The following KAZN variants were observed in gnomAD, a reference collection of about 807,000 sequenced individuals.
The protein encoded by KAZN is kazrin, periplakin interacting protein, also known as kazrin.
Under a neutral mutation model 87.4 loss-of-function variants are expected in KAZN, and 40 were observed. The observed-to-expected ratio is 0.46, with a 90% CI of 0.36 to 0.60. The LOEUF is 0.60. KAZN is among the 20% of genes least tolerant of loss of function. The probability of loss-of-function intolerance (pLI) is 0.00; values close to 1 mark genes in which losing one functional copy is unlikely to be tolerated. For synonymous variants in KAZN, 466 were observed against 458.3 expected, an observed-to-expected ratio of 1.02 and a Z score of -0.22; for missense variants, 898 against 1,073.9, an observed-to-expected ratio of 0.84 and a Z score of 2.29.
At chr1:14,689,791 G>A (rs890195595) in intron 1 of KAZN, among the ~76,000 whole-genome samples, 1 of 152,212 alleles carries the variant, frequency 6.6e-6, no homozygotes, top group East Asian at 1.9e-4. Context: ...ATCTTGTCCC[G>A]GGGCAGAGGG....
chr1:14,903,868 A>G (rs1354777957), intron 1 of KAZN, among the ~76,000 whole-genome samples: 5 of 152,214 alleles, frequency 3.3e-5, no homozygotes, highest in Non-Finnish European at 5.9e-5. Flanking sequence ...ACTTAACCCT[A>G]TAAGGGAGCA....
At chr1:14,623,540 T>C (rs1447750240) in intron 1 of KAZN, among the ~76,000 whole-genome samples, 1 of 152,220 alleles carries the variant, frequency 6.6e-6, no homozygotes, top group Non-Finnish European at 1.5e-5. Flanking sequence ...ACCTGATTGA[T>C]GAAATACTCT....
At chr1:14,918,576 T>C (rs552855701) in intron 1 of KAZN, among the ~76,000 whole-genome samples, 7 of 149,946 alleles carry the variant, frequency 4.7e-5, no homozygotes, top group African/African-American at 1.5e-4. Flanking sequence ...CTCTGGAGGC[T>C]GAGACAGGAG....
chr1:14,638,156 C>G (rs1460013635), intron 1 of KAZN, among the ~76,000 whole-genome samples: 1 of 152,218 alleles, frequency 6.6e-6, no homozygotes, highest in African/African-American at 2.4e-5. Flanking sequence ...GGCCTCGTCT[C>G]AACGAATCAC....
intron 2 of KAZN, among the ~76,000 whole-genome samples, chr1:14,218,904 A>ACAT (rs60187814): frequency 0.95 from 144,932 of 152,056 alleles, 69,133 homozygotes; most frequent in East Asian, 1. Flanking sequence ...TAGGCATTGT[A>ACAT]CATTTGCTGT....
At chr1:14,742,681 A>G (rs891537848) in intron 1 of KAZN, among the ~76,000 whole-genome samples, 1 of 152,176 alleles carries the variant, frequency 6.6e-6, no homozygotes, top group African/African-American at 2.4e-5. Context: ...TGTTTCTTTG[A>G]ATCACCCCAT....
chr1:14,661,515 G>A (rs1202071984), intron 1 of KAZN, among the ~76,000 whole-genome samples: 1 of 152,138 alleles, frequency 6.6e-6, no homozygotes, highest in Non-Finnish European at 1.5e-5. Context: ...TAGACAATAT[G>A]TAAATGAATG....
intron 2 of KAZN, among the ~76,000 whole-genome samples, chr1:14,444,588 C>T (rs924693955): frequency 6.6e-5 from 10 of 152,142 alleles, no homozygotes; most frequent in Non-Finnish European, 1.2e-4. Flanking sequence ...GTTGGGATTA[C>T]AGGCGTGAGC....
At chr1:14,965,538 G>A (rs747208659) in intron 2 of KAZN, among the ~76,000 whole-genome samples, 13 of 152,156 alleles carry the variant, frequency 8.5e-5, no homozygotes, top group South Asian at 2.1e-4. Context: ...TGTTTTGAGC[G>A]TGTTCCCACA....
chr1:14,031,746 T>C (rs1641337241), intron 1 of KAZN, among the ~76,000 whole-genome samples: 3 of 152,326 alleles, frequency 2.0e-5, no homozygotes, highest in East Asian at 3.9e-4. Flanking sequence ...TTAAAGTTTC[T>C]TGAGACTCTG....
In KAZN at chr1:14,943,007, G is replaced by GGTGTGT. The variant is rs58102946; in HGVS notation, c.227-17638_227-17633dup. ...ATGTGAGCTGCGTGTGTGTGTGTGT[G>GGTGTGT]GTGTGTGTGTGTGTGTGTGTGTGTG... On this transcript the variant is annotated intron_variant, in intron 1 of 14. Coordinates refer to ENST00000376030, the MANE Select transcript of KAZN (RefSeq NM_201628.3). 8.7e-3 allele frequency among the ~76,000 whole-genome samples: 874 copies of GGTGTGT among 100,812 alleles called. 15 individuals are homozygous for GGTGTGT. Among genetic ancestry groups the GGTGTGT allele is most frequent in the African/African-American group, 0.021 (473 of 22,998 alleles). The allele number at this position is 100,812 out of a possible 152,430, so 66.1% of individuals were successfully genotyped here.
chr1:14,765,968 G>T (rs900159401), intron 1 of KAZN, among the ~76,000 whole-genome samples: 1 of 152,192 alleles, frequency 6.6e-6, no homozygotes, highest in African/African-American at 2.4e-5. Flanking sequence ...CTGTCGAAGG[G>T]TGTGTCTGTG....
rs6675746 is a variant in KAZN at position 14,433,420 on chromosome 1, C to T, written c.250-165563C>T. Among the ~76,000 whole-genome samples the T allele has an allele frequency of 5.9e-3, 902 of 152,224 alleles. 12 individuals are homozygous for T. Among genetic ancestry groups the T allele is most frequent in the African/African-American group, 0.02 (828 of 41,550 alleles). On this transcript the variant is annotated intron_variant, in intron 2 of 16. Transcript: ENST00000636203. ...ATTCATCCATTTTTTTTGTGGTTTG[C>T]TCTTACAGACTATTTGTGTTCCTCC...
intron 2 of KAZN, among the ~76,000 whole-genome samples, chr1:14,229,112 T>C (rs902667628): frequency 9.2e-5 from 14 of 152,238 alleles, no homozygotes; most frequent in Non-Finnish European, 8.8e-5. Context: ...TTATAGGCTC[T>C]ATTTTTATGA....
chr1:15,090,139 T>C (rs1368328998), intron 8 of KAZN, among the ~76,000 whole-genome samples: 4 of 152,202 alleles, frequency 2.6e-5, no homozygotes, highest in African/African-American at 4.8e-5. Context: ...CCATTTTATA[T>C]ATGGAGAAAC....
intron 2 of KAZN, among the ~76,000 whole-genome samples, chr1:14,252,779 C>T (rs1185094742): frequency 6.6e-6 from 1 of 152,182 alleles, no homozygotes; most frequent in Non-Finnish European, 1.5e-5. Context: ...CCCCACGTCT[C>T]AAGGGCCTAA....
At chr1:14,945,096 G>A (rs1661603302) in intron 1 of KAZN, among the ~76,000 whole-genome samples, 1 of 152,184 alleles carries the variant, frequency 6.6e-6, no homozygotes, top group Admixed American at 6.5e-5. Flanking sequence ...TATCCCTTTT[G>A]CCTTAGTTTC....
chr1:15,023,940 A>G (rs562743716), intron 2 of KAZN, among the ~76,000 whole-genome samples: 66 of 152,208 alleles, frequency 4.3e-4, no homozygotes, highest in African/African-American at 1.5e-3. Context: ...CCAGAGTTTA[A>G]GGCCAGAGCA....
At chr1:14,372,022 G>A (rs576835444) in intron 2 of KAZN, among the ~76,000 whole-genome samples, 15 of 151,452 alleles carry the variant, frequency 9.9e-5, no homozygotes, top group Non-Finnish European at 1.8e-4. Context: ...GTGAATAGTC[G>A]TCATCTCATT....
Sources: allele counts gnomAD v4.1 joint callset (sites outside exome capture counted in the v4.1 genomes callset), GRCh38; gene constraint gnomAD v4.1.1; transcripts MANE v1.5; gene names NCBI Gene and HGNC (gene_info 2026-07-23, HGNC 2026-07-21).